IMPG1: variants seen among roughly 807,000 people sequenced by gnomAD.
The protein encoded by IMPG1 is interphotoreceptor matrix proteoglycan of 150 kDa.
In IMPG1, 85 loss-of-function variants were observed where a neutral mutation model predicts 92.0. That is an observed-to-expected ratio of 0.92 (90% CI 0.78 to 1.11). The LOEUF (loss-of-function observed/expected upper bound fraction) is 1.11. Ranked by LOEUF, IMPG1 falls within the 50% of genes least tolerant of loss-of-function variation. The probability of loss-of-function intolerance (pLI) is 0.00; values close to 1 mark genes in which losing one functional copy is unlikely to be tolerated. For missense variants in IMPG1, 1,022 were observed against 956.0 expected (o/e 1.07, Z -0.91); for synonymous variants, 367 against 334.1 (o/e 1.10, Z -1.08).
intron 12 of IMPG1, among the ~76,000 whole-genome samples, chr6:75,970,726 A>C (rs1312274365): frequency 3.9e-5 from 6 of 152,338 alleles, no homozygotes; most frequent in African/African-American, 1.4e-4. Flanking sequence ...ACATGCAATA[A>C]TGTAATTTTT....
Position 75,973,912 on chromosome 6 carries a change from G to A in IMPG1, c.1292-22818C>T, listed in dbSNP as rs138121945. On this transcript the variant is annotated intron_variant, in intron 12 of 16. Coordinates refer to ENST00000369950, the MANE Select transcript of IMPG1 (RefSeq NM_001563.4). The stretch of plus-strand genomic sequence containing the variant: ...TTGTGAAATGAGGCTGATAAGATCT[G>A]CCATGTCTGCTTTAGGAATGTGGTG... Among the ~76,000 whole-genome samples the A allele has an allele frequency of 2.2e-4, 34 of 152,302 alleles. 1 individual carries two copies. The East Asian group carries it at 6.2e-3, about 28-fold the overall frequency.
intron 12 of IMPG1, among the ~76,000 whole-genome samples, chr6:75,980,793 T>C (rs1453896349): frequency 6.6e-6 from 1 of 152,220 alleles, no homozygotes; most frequent in East Asian, 1.9e-4. Flanking sequence ...TTGTGGGACT[T>C]CAATTTGCGA....
At chr6:75,996,113 C>T (rs554366022) in intron 12 of IMPG1, among the ~76,000 whole-genome samples, 3 of 152,276 alleles carry the variant, frequency 2.0e-5, no homozygotes, top group Non-Finnish European at 2.9e-5. Context: ...GCCTACAGTG[C>T]CCCTGGAATT....
At chr6:76,055,182 G>T (rs145149342) in intron 1 of IMPG1, among the ~76,000 whole-genome samples, 18 of 152,000 alleles carry the variant, frequency 1.2e-4, no homozygotes, top group Non-Finnish European at 2.4e-4. Context: ...ATTCAAATCT[G>T]AATACATTGA....
At chr6:75,969,872 C>T (rs917007387) in intron 12 of IMPG1, among the ~76,000 whole-genome samples, 4 of 152,156 alleles carry the variant, frequency 2.6e-5, no homozygotes, top group African/African-American at 9.7e-5. Context: ...TATTTTACCA[C>T]TATCTTTCTA....
chr6:76,028,279 T>C (rs974738133), intron 4 of IMPG1, among the ~76,000 whole-genome samples: 2 of 152,216 alleles, frequency 1.3e-5, no homozygotes, highest in African/African-American at 2.4e-5. Flanking sequence ...AGATAGTTTA[T>C]AATAAGCTGC....
At chr6:75,981,743 C>T (rs1782631377) in intron 12 of IMPG1, among the ~76,000 whole-genome samples, 1 of 152,188 alleles carries the variant, frequency 6.6e-6, no homozygotes, top group Non-Finnish European at 1.5e-5. Flanking sequence ...TGCTACAGCA[C>T]ATCACATTCT....
intron 4 of IMPG1, among the ~76,000 whole-genome samples, chr6:76,032,478 T>G (rs1354649058): frequency 1.3e-5 from 2 of 152,210 alleles, no homozygotes; most frequent in African/African-American, 4.8e-5. Flanking sequence ...AGTGGCTTGA[T>G]AGACATAATT....
At position 76,018,719 on chromosome 6, in the gene IMPG1, T is replaced by G; in HGVS notation, c.806A>C (p.Gln269Pro). The G allele has an allele frequency of 6.2e-7, 1 of 1,613,080 alleles. No homozygotes were observed. Among genetic ancestry groups the G allele is most frequent in the Non-Finnish European group, 8.5e-7 (1 of 1,179,478 alleles). The change falls in exon 7 of 17, where the codon CAG (glutamine) becomes CCG (proline). Residue 269 changes from glutamine (Q) to proline (P), a missense_variant and splice_region_variant. Physicochemically the swap from Gln to Pro is moderately conservative, Grantham distance 76. Around this residue, in one of 3 missense-constraint regions of IMPG1, gnomAD observed 681 missense variants for 583.6 expected, o/e 1.17. Coordinates refer to ENST00000369950, the MANE Select transcript of IMPG1 (RefSeq NM_001563.4). ...YQELAGKSQL[Q>P]MQKIFKKLPG... ...GTTGTATGGGCCGGGTCTACTCACC[T>G]GAAGTTGGGACTTTCCTGCTAGCTC...
At chr6:75,958,350 A>G (rs1782162575) in intron 12 of IMPG1, among the ~76,000 whole-genome samples, 1 of 152,002 alleles carries the variant, frequency 6.6e-6, no homozygotes, top group South Asian at 2.1e-4. Context: ...GGTGAATCTG[A>G]TGATTATGTG....
intron 14 of IMPG1, among the ~76,000 whole-genome samples, chr6:75,937,085 A>G (rs1200015836): frequency 6.6e-6 from 1 of 152,008 alleles, no homozygotes; most frequent in Non-Finnish European, 1.5e-5. Flanking sequence ...CAGCAGCATG[A>G]CCCCAGGAGA....
At chr6:76,000,771 G>A (rs375956073) in intron 12 of IMPG1, among the ~76,000 whole-genome samples, 1 of 152,202 alleles carries the variant, frequency 6.6e-6, no homozygotes, top group Non-Finnish European at 1.5e-5. Flanking sequence ...CTGCTTTATG[G>A]GTTAGAGGTG....
intron 15 of IMPG1, among the ~76,000 whole-genome samples, chr6:75,924,014 A>G (rs1252518815): frequency 6.6e-6 from 1 of 152,104 alleles, no homozygotes; most frequent in Non-Finnish European, 1.5e-5. Context: ...GTAATGGCAT[A>G]TTGTTAATAA....
In IMPG1 at chr6:76,053,232, C is replaced by T. The variant is rs868721497; in HGVS notation, c.68-11106G>A. Among the ~76,000 whole-genome samples the T allele has an allele frequency of 2.0e-5, 3 of 152,284 alleles. No homozygotes were observed. The East Asian group carries it at 5.8e-4, about 29-fold the overall frequency. ...TCTGCATGGAATTGTACAAGTAAATCTGAGATTGTGATTGTACCTCACAAA... is the reference window on the plus strand; with the variant it reads ...TCTGCATGGAATTGTACAAGTAAATTTGAGATTGTGATTGTACCTCACAAA... On this transcript the variant is annotated intron_variant, in intron 1 of 16. Coordinates refer to ENST00000369950, the MANE Select transcript of IMPG1 (RefSeq NM_001563.4).
At chr6:76,027,990 G>T (rs76838214) in intron 4 of IMPG1, among the ~76,000 whole-genome samples, 3 of 152,290 alleles carry the variant, frequency 2.0e-5, no homozygotes, top group Non-Finnish European at 4.4e-5. Context: ...AAAGAGGTAA[G>T]CAGGATTATT....
chr6:75,923,813 T>A (rs1781473185), intron 15 of IMPG1, 107 bp from the exon 16 acceptor site: 2 of 638,202 alleles, frequency 3.1e-6, no homozygotes, highest in Non-Finnish European at 5.4e-6. Context: ...CAAGTGAAAA[T>A]AGATAGCATA....
intron 12 of IMPG1, among the ~76,000 whole-genome samples, chr6:75,957,944 C>T (rs1322951742): frequency 6.6e-6 from 1 of 152,140 alleles, no homozygotes; most frequent in African/African-American, 2.4e-5. Flanking sequence ...TTGATCCTGT[C>T]ATTATGATGT....
chr6:75,947,772 T>G (rs1781952837), intron 13 of IMPG1, among the ~76,000 whole-genome samples: 1 of 152,164 alleles, frequency 6.6e-6, no homozygotes, highest in East Asian at 1.9e-4. Flanking sequence ...GCTGTGATTT[T>G]TTTCATGGTG....
At chr6:75,938,545 G>T (rs757982672) in intron 14 of IMPG1, among the ~76,000 whole-genome samples, 3 of 152,216 alleles carry the variant, frequency 2.0e-5, no homozygotes, top group Non-Finnish European at 2.9e-5. Context: ...AGATGTGGTG[G>T]CTCATGCCTG....
Sources: gnomAD v4.1 joint callset for allele counts (sites outside exome capture counted in the v4.1 genomes callset) on GRCh38, gnomAD v4.1.1 for gene constraint, gnomAD v4.1.1 regional missense constraint, MANE v1.5 for transcripts, NCBI Gene and HGNC (gene_info 2026-07-23, HGNC 2026-07-21) for gene names.